The following SPAG16 variants were observed in gnomAD, a reference collection of about 807,000 sequenced individuals.
The protein encoded by SPAG16 is sperm associated antigen 16, also known as sperm-associated antigen 16 protein.
In SPAG16, 86 loss-of-function variants were observed where a neutral mutation model predicts 80.4. That is an observed-to-expected ratio of 1.07 (90% CI 0.90 to 1.28). SPAG16 has a LOEUF of 1.28. Ranked by LOEUF, SPAG16 falls within the 50% of genes most tolerant of loss-of-function variation. The probability of loss-of-function intolerance (pLI) is 0.00; values close to 1 mark genes in which losing one functional copy is unlikely to be tolerated. For synonymous variants in SPAG16, 294 were observed against 265.9 expected (o/e 1.11, Z -1.03); for missense variants, 870 against 765.3 (o/e 1.14, Z -1.61).
intron 9 of SPAG16, among the ~76,000 whole-genome samples, chr2:213,378,522 A>T (rs2067006070): frequency 1.1e-4 from 1 of 8,850 alleles, no homozygotes; most frequent in Non-Finnish European, 1.1e-3. Flanking sequence ...TGTTGATGTG[A>T]AGTCAGTAAA....
At chr2:214,385,076 G>A (rs1178137199) in intron 15 of SPAG16, among the ~76,000 whole-genome samples, 1 of 152,144 alleles carries the variant, frequency 6.6e-6, no homozygotes, top group Non-Finnish European at 1.5e-5. Context: ...AACACTAATA[G>A]TCATTAGATA....
At chr2:214,094,308 G>A (rs2052434087) in intron 13 of SPAG16, among the ~76,000 whole-genome samples, 1 of 151,960 alleles carries the variant, frequency 6.6e-6, no homozygotes, top group Admixed American at 6.6e-5. Context: ...AGATCTCCAG[G>A]GCATTTATAT....
intron 8 of SPAG16, among the ~76,000 whole-genome samples, chr2:213,374,423 T>C (rs918484581): frequency 1.1e-4 from 16 of 152,112 alleles, no homozygotes; most frequent in African/African-American, 3.6e-4. Context: ...TGTGTACTTA[T>C]ATATGTGTAT....
chr2:213,990,275 T>C (rs1412602521), intron 12 of SPAG16, among the ~76,000 whole-genome samples: 1 of 152,132 alleles, frequency 6.6e-6, no homozygotes, highest in Non-Finnish European at 1.5e-5. Context: ...GCTAAAATAC[T>C]AGAGTTGTAT....
At chr2:213,910,104 A>G (rs1389589188) in intron 11 of SPAG16, among the ~76,000 whole-genome samples, 2 of 152,216 alleles carry the variant, frequency 1.3e-5, no homozygotes, top group Non-Finnish European at 2.9e-5. Flanking sequence ...TTTTGGTTGT[A>G]TGTAATTCTG....
At chr2:214,360,945 C>T (rs1025271669) in intron 15 of SPAG16, among the ~76,000 whole-genome samples, 1 of 151,788 alleles carries the variant, frequency 6.6e-6, no homozygotes, top group Non-Finnish European at 1.5e-5. Flanking sequence ...AATGAATGGG[C>T]CCCCAAAAAT....
intron 7 of SPAG16, among the ~76,000 whole-genome samples, chr2:213,355,597 T>A (rs1390100200): frequency 6.6e-6 from 1 of 152,222 alleles, no homozygotes; most frequent in Non-Finnish European, 1.5e-5. Context: ...GTAAGTTGGA[T>A]TCCTAGGTAT....
At chr2:213,930,413 G>A (rs527768931) in intron 12 of SPAG16, among the ~76,000 whole-genome samples, 1 of 152,256 alleles carries the variant, frequency 6.6e-6, no homozygotes, top group Non-Finnish European at 1.5e-5. Flanking sequence ...TCATTGGAAA[G>A]CTGTTTGTTT....
intron 15 of SPAG16, among the ~76,000 whole-genome samples, chr2:214,380,640 TAAAAC>T (rs980290578): frequency 9.2e-5 from 14 of 152,342 alleles, no homozygotes; most frequent in African/African-American, 2.9e-4. Flanking sequence ...ATAAAGAACT[TAAAAC>T]AGAGCATATC....
At chr2:214,146,213 T>A (rs1336287892) in intron 14 of SPAG16, among the ~76,000 whole-genome samples, 1 of 152,212 alleles carries the variant, frequency 6.6e-6, no homozygotes. Context: ...TGTCAACTAA[T>A]CTCCTTCCCA....
intron 12 of SPAG16, among the ~76,000 whole-genome samples, chr2:213,946,652 C>A (rs2079489368): frequency 6.6e-6 from 1 of 152,088 alleles, no homozygotes; most frequent in South Asian, 2.1e-4. Context: ...GAAATTGGTA[C>A]AATATTATTA....
chr2:214,318,373 CTTTTTTTTTT>C (rs34923875), intron 15 of SPAG16, among the ~76,000 whole-genome samples: 2 of 69,804 alleles, frequency 2.9e-5, no homozygotes, highest in East Asian at 4.8e-4. Context: ...AGAGTGAATT[CTTTTTTTTTT>C]TTTTTTTTTT....
chr2:213,878,676 G>T (rs1307956757), intron 11 of SPAG16, among the ~76,000 whole-genome samples: 2 of 151,992 alleles, frequency 1.3e-5, no homozygotes, highest in African/African-American at 4.8e-5. Context: ...TATTTGTCTA[G>T]TTTGGTTTTT....
intron 10 of SPAG16, among the ~76,000 whole-genome samples, chr2:213,560,188 T>C (rs2125980080): frequency 6.6e-6 from 1 of 152,260 alleles, no homozygotes. Flanking sequence ...AAAGGAATGC[T>C]TAATAGGTTT....
At chr2:213,769,378 C>A (rs558386354) in intron 10 of SPAG16, among the ~76,000 whole-genome samples, 26 of 152,216 alleles carry the variant, frequency 1.7e-4, no homozygotes, top group African/African-American at 6.0e-4. Flanking sequence ...TTGAAGACAG[C>A]CTTACTCAGA....
intron 10 of SPAG16, among the ~76,000 whole-genome samples, chr2:213,668,542 T>G (rs1483715457): frequency 2.0e-5 from 3 of 152,240 alleles, no homozygotes; most frequent in African/African-American, 7.2e-5. Flanking sequence ...CATTTCACTC[T>G]TATGTAATTA....
At chr2:213,307,844 C>T (rs992947476) in intron 3 of SPAG16, among the ~76,000 whole-genome samples, 5 of 152,040 alleles carry the variant, frequency 3.3e-5, no homozygotes, top group African/African-American at 1.2e-4. Context: ...CTCTCCAGCA[C>T]CTGTTGTTTC....
intron 13 of SPAG16, among the ~76,000 whole-genome samples, chr2:214,079,074 T>C (rs1478760056): frequency 6.6e-6 from 1 of 152,144 alleles, no homozygotes; most frequent in East Asian, 1.9e-4. Context: ...TGCCCTTCCA[T>C]TGCTTGTTCT....
chr2:214,154,769 T>G (rs2056138968), intron 15 of SPAG16, among the ~76,000 whole-genome samples: 1 of 152,204 alleles, frequency 6.6e-6, no homozygotes, highest in Admixed American at 6.5e-5. Flanking sequence ...GCCTCAGATT[T>G]TTTTTGTATT....
Sources: gnomAD v4.1 joint callset for allele counts (sites outside exome capture counted in the v4.1 genomes callset) on GRCh38, gnomAD v4.1.1 for gene constraint, MANE v1.5 for transcripts, NCBI Gene and HGNC (gene_info 2026-07-23, HGNC 2026-07-21) for gene names.